Variants in HOXC10 observed in about 807,000 individuals in gnomAD.
The protein encoded by HOXC10 is homeobox C10.
Under a neutral mutation model 26.0 loss-of-function variants are expected in HOXC10, and 15 were observed. The observed-to-expected ratio is 0.58, with a 90% CI of 0.39 to 0.89. The LOEUF is 0.89. Ranked by LOEUF, HOXC10 falls within the 40% of genes least tolerant of loss-of-function variation. The pLI, the probability that HOXC10 is intolerant of heterozygous loss-of-function variation, is 0.00. For missense variants in HOXC10, 446 were observed against 451.9 expected (o/e 0.99, Z 0.12); for synonymous variants, 196 against 185.5 (o/e 1.06, Z -0.46).
rs36079135 is a variant in HOXC10, at chr12:53,985,730, G to A, written c.471G>A (p.Ala157=). ...ACCGCGCCAGCCCGAGCTACTCCGC[G>A]CTGGACAAGACGCCCCACTGTTCTG... ...SYYRASPSYS[A]LDKTPHCSGA... The change falls in exon 1 of 2, where the codon GCG becomes GCA. Residue 157 remains alanine, a synonymous_variant. Coordinates refer to ENST00000303460, the MANE Select transcript of HOXC10 (RefSeq NM_017409.4). 1.9e-5 allele frequency: 31 copies of A among 1,611,694 alleles called. 1 individual carries two copies. Among genetic ancestry groups the A allele is most frequent in the African/African-American group, 1.6e-4 (12 of 74,874 alleles).
intron 1 of HOXC10, 134 bp downstream of exon 1, chr12:53,986,144 C>T (rs1343181898): frequency 3.2e-6 from 3 of 947,708 alleles, no homozygotes; most frequent in Non-Finnish European, 4.5e-6. Flanking sequence ...TGGCTTTCGA[C>T]TAGCGTCCGC....
chr12:53,988,582 A>G (rs867646527), intron 1 of HOXC10, among the ~76,000 whole-genome samples: 2 of 152,214 alleles, frequency 1.3e-5, no homozygotes, highest in South Asian at 2.1e-4. Context: ...AGAGATGGCA[A>G]TGGGAGACCT....
rs1939485305 is a variant in HOXC10, at chr12:53,989,518, T to C, written c.*72T>C. 6.9e-7 allele frequency: 1 copy of C among 1,450,888 alleles called. No individual in the cohort carries two copies. Among genetic ancestry groups the C allele is most frequent in the Non-Finnish European group, 9.2e-7 (1 of 1,082,720 alleles). The allele number at this position is 1,450,888 out of a possible 1,614,324, so 89.9% of individuals were successfully genotyped here. On this transcript the variant is annotated 3_prime_UTR_variant, in exon 2 of 2. Transcript: ENST00000303460. ...CCTCCTCCCTTTGTGCCTGGTGATA[T>C]ATTTTTTTTTCCTCCCTGAGTATAA...
Position 53,989,442 on chromosome 12 carries a change from C to T in HOXC10, c.1025C>T (p.Thr342Ile). 1 of 1,611,344 alleles carries T rather than the reference C, an allele frequency of 6.2e-7. No individual in the cohort carries two copies. The change falls in exon 2 of 2, where the codon ACC becomes ATC. Residue 342 changes from threonine to isoleucine, a missense_variant. By Grantham distance (89) the Thr-to-Ile change is moderately conservative. Transcript: ENST00000303460. ...GAACTGACCTCCAATTTTAATTTCA[C>T]CTGAGAGCGCGGCCTCTCCTCCTCC... ...IRELTSNFNF[T>I]
Position 53,985,902 on chromosome 12 carries a change from A to G in HOXC10, c.643A>G (p.Lys215Glu), listed in dbSNP as rs763341031. ...CCAGACCCCCAGCCCCAATGAAATC[A>G]AGACGGAGCAGAGCCTGGCGGGCCC... is the stretch of plus-strand genomic sequence containing the variant. ...DSQTPSPNEI[K>E]TEQSLAGPKG... Residue 215 changes from lysine (K) to glutamate (E), a missense_variant, in exon 1 of 2, where the codon AAG becomes GAG. Physicochemically the swap from Lys to Glu is moderately conservative, Grantham distance 56. Coordinates refer to ENST00000303460, the MANE Select transcript of HOXC10 (RefSeq NM_017409.4). 1.5e-5 allele frequency: 24 copies of G among 1,613,724 alleles called. No homozygotes were observed. In the East Asian group the frequency reaches 5.1e-4, roughly 34 times the overall value.
intron 1 of HOXC10, 114 bp from the exon 2 acceptor site, chr12:53,989,055 G>A: frequency 1.1e-6 from 1 of 883,338 alleles, no homozygotes; most frequent in Non-Finnish European, 1.7e-6. Flanking sequence ...CCTGGGGCAA[G>A]AGCAGCTCCC....
At position 53,990,140 on chromosome 12, in the gene HOXC10, G is replaced by GC. The variant is rs3832829; in HGVS notation, c.*705dup. 2,271 of 138,486 alleles carry GC rather than the reference G, an allele frequency of 0.016. 37 individuals are homozygous for GC. The highest frequency in any genetic ancestry group is 0.051 in the African/African-American group (1,698 of 33,516). The allele number at this position is 138,486 out of a possible 1,614,324, so 8.6% of individuals were successfully genotyped here. A position where few individuals can be genotyped will look rare whatever the true frequency, so the allele number is the denominator to read the frequency against. ...GAACATAGCAAAGCAAAGACAGAAT[G>GC]CCCCCCCCCCCAAATATTGTCCTGT... is the stretch of plus-strand genomic sequence containing the variant. On this transcript the variant is annotated 3_prime_UTR_variant, in exon 2 of 2. Transcript: ENST00000303460.
chr12:53,985,683 G>A lies in HOXC10; in HGVS notation c.424G>A (p.Glu142Lys). 6.2e-7 allele frequency: 1 copy of A among 1,611,048 alleles called. No individual in the cohort carries two copies. The highest frequency in any genetic ancestry group is 1.1e-5 in the South Asian group (1 of 91,046). ...GCCGGAGTCCTGCCTTGGGGAGCAC[G>A]AGGTACCCGTGCCCAGCTACTACCG... Reference protein sequence around the residue: ...PLPESCLGEHEVPVPSYYRAS... With the variant: ...PLPESCLGEHKVPVPSYYRAS... The change falls in exon 1 of 2, where the codon GAG becomes AAG. Residue 142 changes from glutamate to lysine, a missense_variant. Glu to Lys is a moderately conservative substitution (Grantham distance 56). Coordinates refer to ENST00000303460, the MANE Select transcript of HOXC10 (RefSeq NM_017409.4).
Position 53,989,555 on chromosome 12 carries a change from C to A in HOXC10, c.*109C>A. 1.7e-6 allele frequency: 2 copies of A among 1,153,134 alleles called. No homozygotes were observed. The highest frequency in any genetic ancestry group is 2.4e-6 in the Non-Finnish European group (2 of 827,168). 71.4% of individuals were successfully genotyped at this position (1,153,134 alleles called of 1,614,324 possible). On this transcript the variant is annotated 3_prime_UTR_variant, in exon 2 of 2. Transcript: ENST00000303460. ...CTCCCTGAGTATAAATGCAATGCGA[C>A]TGCAAAAAAGGCAAAGACCTCAGAC...
chr12:53,988,517 G>A (rs556566408), intron 1 of HOXC10, among the ~76,000 whole-genome samples: 41 of 152,310 alleles, frequency 2.7e-4, no homozygotes, highest in Admixed American at 1.8e-3. Flanking sequence ...GACCTCTGCT[G>A]CTCTTACAAG....
chr12:53,989,559 A>G lies in HOXC10; in HGVS notation c.*113A>G. On this transcript the variant is annotated 3_prime_UTR_variant, in exon 2 of 2. Transcript: ENST00000303460. ...CTGAGTATAAATGCAATGCGACTGCAAAAAAGGCAAAGACCTCAGACTCTC... is the reference window on the plus strand; with the variant it reads ...CTGAGTATAAATGCAATGCGACTGCGAAAAAGGCAAAGACCTCAGACTCTC... The G allele has an allele frequency of 3.8e-6, 4 of 1,048,126 alleles. No homozygotes were observed. The highest frequency in any genetic ancestry group is 5.5e-6 in the Non-Finnish European group (4 of 732,136). The allele number at this position is 1,048,126 out of a possible 1,614,324, so 64.9% of individuals were successfully genotyped here. A position where few individuals can be genotyped will look rare whatever the true frequency, so the allele number is the denominator to read the frequency against.
chr12:53,985,575 AAGG>A lies in HOXC10; in HGVS notation c.322_324del (p.Glu108del). 1.2e-6 allele frequency: 2 copies of A among 1,613,850 alleles called. No homozygotes were observed. Among genetic ancestry groups the A allele is most frequent in the Non-Finnish European group, 1.7e-6 (2 of 1,180,002 alleles). ...CTCCTGCTCCTACCCACCTAGTGTC[AAGG>A]AGGAGAATGTCTGCTGCATGTACAG... is the stretch of plus-strand genomic sequence containing the variant. On this transcript the variant is annotated inframe_deletion, in exon 1 of 2. Transcript: ENST00000303460.
Position 53,989,455 on chromosome 12 carries a change from C to G in HOXC10, c.*9C>G, listed in dbSNP as rs765992428. ...ATTTTAATTTCACCTGAGAGCGCGG[C>G]CTCTCCTCCTCCCTTCCCGCTCCTT... On this transcript the variant is annotated 3_prime_UTR_variant, in exon 2 of 2. Coordinates refer to ENST00000303460, the MANE Select transcript of HOXC10 (RefSeq NM_017409.4). 6.9e-6 allele frequency: 11 copies of G among 1,605,800 alleles called. No homozygotes were observed. In the South Asian group the frequency reaches 1.0e-4, roughly 15 times the overall value.
At chr12:53,987,426 A>C (rs1162985185) in intron 1 of HOXC10, among the ~76,000 whole-genome samples, 4 of 152,210 alleles carry the variant, frequency 2.6e-5, no homozygotes, top group African/African-American at 9.6e-5. Context: ...CATGAGGATA[A>C]GGGGGAGAGT....
Position 53,989,571 on chromosome 12 carries a change from G to A in HOXC10, c.*125G>A, listed in dbSNP as rs1939486382. 2.2e-6 allele frequency: 2 copies of A among 912,412 alleles called. No homozygotes were observed. The highest frequency in any genetic ancestry group is 1.7e-5 in the African/African-American group (1 of 59,048). 56.5% of individuals were successfully genotyped at this position (912,412 alleles called of 1,614,324 possible). ...GCAATGCGACTGCAAAAAAGGCAAAGACCTCAGACTCTCCTTCCAAGGGAC... is the reference window on the plus strand; with the variant it reads ...GCAATGCGACTGCAAAAAAGGCAAAAACCTCAGACTCTCCTTCCAAGGGAC... On this transcript the variant is annotated 3_prime_UTR_variant, in exon 2 of 2. Coordinates refer to ENST00000303460, the MANE Select transcript of HOXC10 (RefSeq NM_017409.4).
rs1939409221 is a variant in HOXC10 at position 53,985,217 on chromosome 12, C to A, written c.-43C>A. ...ATGGGGAAAAAAAAAGATGTCAGCT[C>A]CTCCGCTGTAGTATTGCTCCTTAAA... On this transcript the variant is annotated 5_prime_UTR_variant, in exon 1 of 2. Coordinates refer to ENST00000303460, the MANE Select transcript of HOXC10 (RefSeq NM_017409.4). 8.5e-7 allele frequency: 1 copy of A among 1,179,306 alleles called. No homozygotes were observed. The highest frequency in any genetic ancestry group is 2.5e-5 in the South Asian group (1 of 39,550). The allele number at this position is 1,179,306 out of a possible 1,614,324, so 73.1% of individuals were successfully genotyped here.
rs1213742759 is a variant in HOXC10 at position 53,985,434 on chromosome 12, G to A, written c.175G>A (p.Gly59Ser). The change falls in exon 1 of 2, where the codon GGC becomes AGC. Residue 59 changes from glycine (G) to serine (S), a missense_variant. Gly to Ser is a moderately conservative substitution (Grantham distance 56, BLOSUM62 0). Transcript: ENST00000303460. ...LAPSLSKRDEGSSPSLALNTY... is the reference protein window; with the variant it reads ...LAPSLSKRDESSSPSLALNTY... ...GCCCTCGCTCTCCAAGAGGGACGAGGGCAGCAGCCCCAGCCTCGCCCTCAA... is the reference window on the plus strand; with the variant it reads ...GCCCTCGCTCTCCAAGAGGGACGAGAGCAGCAGCCCCAGCCTCGCCCTCAA... The A allele has an allele frequency of 1.9e-6, 3 of 1,612,542 alleles. No homozygotes were observed. Among genetic ancestry groups the A allele is most frequent in the Non-Finnish European group, 2.5e-6 (3 of 1,179,770 alleles).
chr12:53,988,637 C>T (rs1180623039), intron 1 of HOXC10, among the ~76,000 whole-genome samples: 2 of 152,242 alleles, frequency 1.3e-5, no homozygotes, highest in African/African-American at 4.8e-5. Context: ...GGGGTAAGAG[C>T]TGGGGGCCCA....
rs1939487313 is a variant in HOXC10 at position 53,989,638 on chromosome 12, G to A, written c.*192G>A. ...GAAGATGCTTCCACTTAAAGCATGA[G>A]AAATGGGGTGCCGGGATGTGGGGTG... On this transcript the variant is annotated 3_prime_UTR_variant, in exon 2 of 2. Transcript: ENST00000303460. The A allele has an allele frequency of 4.8e-6, 3 of 620,716 alleles. No individual in the cohort carries two copies. Among genetic ancestry groups the A allele is most frequent in the South Asian group, 4.1e-5 (2 of 48,334 alleles). 38.5% of individuals were successfully genotyped at this position (620,716 alleles called of 1,614,324 possible).
Sources: gnomAD v4.1 joint callset for allele counts (sites outside exome capture counted in the v4.1 genomes callset) on GRCh38, gnomAD v4.1.1 for gene constraint, MANE v1.5 for transcripts, NCBI Gene and HGNC (gene_info 2026-07-23, HGNC 2026-07-21) for gene names.